Variants in SLC49A4 observed in about 807,000 individuals in gnomAD.
SLC49A4 encodes the protein solute carrier family 49 member 4.
Under a neutral mutation model 50.6 loss-of-function variants are expected in SLC49A4, and 36 were observed. The observed-to-expected ratio is 0.71, with a 90% CI of 0.55 to 0.94. The LOEUF is 0.94. Ranked by LOEUF, SLC49A4 falls within the 40% of genes least tolerant of loss-of-function variation. The probability of loss-of-function intolerance (pLI) is 0.00; values close to 1 mark genes in which losing one functional copy is unlikely to be tolerated. For synonymous variants in SLC49A4, 248 were observed against 241.2 expected, an observed-to-expected ratio of 1.03 and a Z score of -0.26; for missense variants, 503 against 605.7, an observed-to-expected ratio of 0.83 and a Z score of 1.78.
intron 7 of SLC49A4, among the ~76,000 whole-genome samples, chr3:122,863,628 C>T (rs978342482): frequency 1.3e-5 from 2 of 152,198 alleles, no homozygotes; most frequent in Non-Finnish European, 2.9e-5. Context: ...ATAGACAAAT[C>T]TATACCTTTA....
intron 2 of SLC49A4, among the ~76,000 whole-genome samples, chr3:122,808,952 G>A (rs1936260778): frequency 6.6e-6 from 1 of 152,182 alleles, no homozygotes; most frequent in Non-Finnish European, 1.5e-5. Context: ...TGGGAAGTTG[G>A]GGGAATGGAA....
chr3:122,796,211 C>T, intron 1 of SLC49A4, among the ~76,000 whole-genome samples: 1 of 152,168 alleles, frequency 6.6e-6, no homozygotes, highest in East Asian at 1.9e-4. Flanking sequence ...AAGAAAAAGC[C>T]ATAGGGCTGA....
chr3:122,850,044 CT>C (rs1391979321), intron 5 of SLC49A4, among the ~76,000 whole-genome samples: 2 of 151,954 alleles, frequency 1.3e-5, no homozygotes, highest in African/African-American at 4.8e-5. Flanking sequence ...TAAACATGCT[CT>C]TTGATGCTGA....
chr3:122,837,049 A>G (rs962986354), intron 4 of SLC49A4, among the ~76,000 whole-genome samples: 1 of 152,268 alleles, frequency 6.6e-6, no homozygotes, highest in Non-Finnish European at 1.5e-5. Context: ...CCACTGCTCA[A>G]TGAAACAAAA....
At chr3:122,856,433 A>T in intron 6 of SLC49A4, 59 bp downstream of exon 6, 1 of 1,415,256 alleles carries the variant, frequency 7.1e-7, no homozygotes, top group Non-Finnish European at 9.9e-7. Context: ...GCCTAAAGAT[A>T]AATAGGCTCC....
chr3:122,842,852 G>C (rs576360336), intron 4 of SLC49A4, among the ~76,000 whole-genome samples: 141 of 152,136 alleles, frequency 9.3e-4, no homozygotes, highest in Admixed American at 1.4e-3. Flanking sequence ...ATGAATGCCA[G>C]CTTCTACCTT....
intron 4 of SLC49A4, among the ~76,000 whole-genome samples, chr3:122,839,154 A>G (rs935499741): frequency 1.3e-5 from 2 of 152,200 alleles, no homozygotes; most frequent in African/African-American, 2.4e-5. Context: ...AGGACACCCT[A>G]TTTAATAAAT....
chr3:122,829,456 T>C (rs1037933381), intron 3 of SLC49A4, among the ~76,000 whole-genome samples: 2 of 152,174 alleles, frequency 1.3e-5, no homozygotes, highest in East Asian at 3.8e-4. Flanking sequence ...AAGCATCTAT[T>C]GGAAACCCAC....
At chr3:122,799,571 C>T (rs1033725098) in intron 1 of SLC49A4, among the ~76,000 whole-genome samples, 1 of 152,164 alleles carries the variant, frequency 6.6e-6, no homozygotes, top group Non-Finnish European at 1.5e-5. Context: ...TCTTAAATGG[C>T]ATCTCAGCCA....
rs779690942 is a variant in SLC49A4 at position 122,833,482 on chromosome 3, G to A, written c.833+36G>A. The A allele has an allele frequency of 3.8e-6, 6 of 1,577,530 alleles. No individual in the cohort carries two copies. The African/African-American group carries it at 6.8e-5, about 18-fold the overall frequency. On this transcript the variant is annotated intron_variant, in intron 4 of 8. Coordinates refer to ENST00000261038, the MANE Select transcript of SLC49A4 (RefSeq NM_032839.3). The stretch of plus-strand genomic sequence containing the variant: ...TGAGAGTCACTGGATGGCTTTGACT[G>A]ACACCTTCAAGGTAACTTCAGATTT...
chr3:122,812,214 C>G (rs1193714813), intron 2 of SLC49A4, among the ~76,000 whole-genome samples: 1 of 152,100 alleles, frequency 6.6e-6, no homozygotes, highest in East Asian at 1.9e-4. Flanking sequence ...CTCAGCCTTC[C>G]AAAGTGCTGG....
At chr3:122,819,610 G>A (rs1418197098) in intron 2 of SLC49A4, among the ~76,000 whole-genome samples, 1 of 152,104 alleles carries the variant, frequency 6.6e-6, no homozygotes, top group Non-Finnish European at 1.5e-5. Context: ...TTTTGTGAAA[G>A]AAAACTGAGG....
chr3:122,815,592 A>G (rs150625122), intron 2 of SLC49A4, among the ~76,000 whole-genome samples: 4,876 of 152,104 alleles, frequency 0.032, 110 homozygotes, highest in Middle Eastern at 0.078. Context: ...GTGTCCATGC[A>G]CTCCCCTCTT....
intron 1 of SLC49A4, among the ~76,000 whole-genome samples, chr3:122,795,994 C>G (rs1936032002): frequency 6.6e-6 from 1 of 152,186 alleles, no homozygotes. Context: ...GACTCCAGCC[C>G]AGGAAGAGCT....
chr3:122,807,695 G>T (rs149832108), intron 2 of SLC49A4, among the ~76,000 whole-genome samples: 1 of 152,102 alleles, frequency 6.6e-6, no homozygotes, highest in Non-Finnish European at 1.5e-5. Flanking sequence ...CTTGAGAGTC[G>T]TTGAGAAATT....
chr3:122,833,407 A>G lies in SLC49A4; in HGVS notation c.794A>G (p.Gln265Arg). ...CCTCCCAGTGTTGCTGCAGCTAGCC[A>G]GCGGCTGAGTTATCGGAGAAGCGTT... is the stretch of plus-strand genomic sequence containing the variant. ...PLPPSVAAASQRLSYRRSVCR... is the reference protein window; with the variant it reads ...PLPPSVAAASRRLSYRRSVCR... Residue 265 changes from glutamine (Q) to arginine (R), a missense_variant, in exon 4 of 9, where the codon CAG (glutamine) becomes CGG (arginine). Coordinates refer to ENST00000261038, the MANE Select transcript of SLC49A4 (RefSeq NM_032839.3). The G allele has an allele frequency of 6.2e-7, 1 of 1,613,546 alleles. No individual in the cohort carries two copies. Among genetic ancestry groups the G allele is most frequent in the South Asian group, 1.1e-5 (1 of 91,072 alleles).
chr3:122,812,456 C>A (rs988924279), intron 2 of SLC49A4, among the ~76,000 whole-genome samples: 4 of 152,046 alleles, frequency 2.6e-5, no homozygotes, highest in Non-Finnish European at 5.9e-5. Context: ...ATTCAGATTC[C>A]CCTATATCAG....
Position 122,880,141 on chromosome 3 carries a change from C to G in SLC49A4, c.*763C>G, listed in dbSNP as rs1442124417. 6.6e-6 allele frequency: 1 copy of G among 152,188 alleles called. No homozygotes were observed. Among genetic ancestry groups the G allele is most frequent in the Non-Finnish European group, 1.5e-5 (1 of 68,026 alleles). The allele number at this position is 152,188 out of a possible 1,614,324, so 9.4% of individuals were successfully genotyped here. A position where few individuals can be genotyped will look rare whatever the true frequency, so the allele number is the denominator to read the frequency against. On this transcript the variant is annotated 3_prime_UTR_variant, in exon 9 of 9. Transcript: ENST00000261038. Reference sequence around the variant, plus strand: ...TGAAAAAATGTAATTCCATTAGGATCTAGCACTTTGTTACAAGTGAAATGA... The same window carrying G: ...TGAAAAAATGTAATTCCATTAGGATGTAGCACTTTGTTACAAGTGAAATGA...
intron 2 of SLC49A4, among the ~76,000 whole-genome samples, chr3:122,808,684 G>A (rs548946080): frequency 1.3e-5 from 2 of 152,102 alleles, no homozygotes; most frequent in Admixed American, 6.5e-5. Context: ...CATGGTGCTC[G>A]GCTGCTCCTT....
Sources: gnomAD v4.1 joint callset for allele counts (sites outside exome capture counted in the v4.1 genomes callset) on GRCh38, gnomAD v4.1.1 for gene constraint, MANE v1.5 for transcripts, NCBI Gene and HGNC (gene_info 2026-07-23, HGNC 2026-07-21) for gene names.